Variants in PPP1R21 observed in about 807,000 individuals in gnomAD.
PPP1R21 encodes the protein KLRAQ motif containing 1.
A neutral mutation model predicts 112.8 loss-of-function variants in PPP1R21; 85 were observed. The observed-to-expected ratio is 0.75, with a 90% confidence interval of 0.63 to 0.90. The LOEUF is 0.90. Among genes scored for constraint, PPP1R21 ranks in the 40% least tolerant of loss-of-function variants. PPP1R21 has a pLI of 0.00. For synonymous variants in PPP1R21, 381 were observed against 322.3 expected, an observed-to-expected ratio of 1.18 and a Z score of -1.95; for missense variants, 1,199 against 901.5, an observed-to-expected ratio of 1.33 and a Z score of -4.23.
chr2:48,487,896 G>A (rs1171081744), intron 14 of PPP1R21, among the ~76,000 whole-genome samples: 1 of 152,016 alleles, frequency 6.6e-6, no homozygotes, highest in Non-Finnish European at 1.5e-5. Flanking sequence ...CATCCTACAT[G>A]TATAAAACCA....
At chr2:48,477,292 C>G (rs769203175) in intron 12 of PPP1R21, among the ~76,000 whole-genome samples, 5 of 151,728 alleles carry the variant, frequency 3.3e-5, no homozygotes, top group Admixed American at 6.6e-5. Context: ...CTAATTTTTG[C>G]ATTTTTTAGT....
intron 1 of PPP1R21, 62 bp downstream of exon 1, chr2:48,441,072 G>C (rs1667004712): frequency 8.1e-7 from 1 of 1,232,750 alleles, no homozygotes; most frequent in South Asian, 1.2e-5. Flanking sequence ...TGCCGTGGCA[G>C]CGACTTGTCG....
At chr2:48,446,964 T>C (rs1667275065) in intron 1 of PPP1R21, among the ~76,000 whole-genome samples, 1 of 152,114 alleles carries the variant, frequency 6.6e-6, no homozygotes, top group African/African-American at 2.4e-5. Context: ...TTGGCTAGGC[T>C]GGTTTTGAAC....
At chr2:48,481,038 G>C (rs1668986820) in intron 13 of PPP1R21, among the ~76,000 whole-genome samples, 1 of 152,152 alleles carries the variant, frequency 6.6e-6, no homozygotes, top group Non-Finnish European at 1.5e-5. Flanking sequence ...GCCCAGGCTG[G>C]AGTGCAGTGG....
rs752853126 is a variant in PPP1R21 at position 48,507,353 on chromosome 2, G to A, written c.2053G>A (p.Ala685Thr). ...IVELTSQLQL[A>T]DSKSVHFYAE... ...GGAACTTACGTCTCAGTTGCAGCTG[G>A]CTGACAGTAAGTCAGTGCATTTTTA... Residue 685 changes from alanine to threonine, a missense_variant, in exon 19 of 22, where the codon GCT becomes ACT. Ala to Thr is a moderately conservative substitution (Grantham distance 58). Coordinates refer to ENST00000294952, the MANE Select transcript of PPP1R21 (RefSeq NM_001135629.3). The A allele has an allele frequency of 3.8e-6, 6 of 1,595,622 alleles. No individual in the cohort carries two copies. In the Admixed American group the frequency reaches 9.2e-5, roughly 24 times the overall value.
chr2:48,474,597 T>C, intron 11 of PPP1R21, 86 bp from the exon 12 acceptor site: 1 of 1,199,030 alleles, frequency 8.3e-7, no homozygotes. Flanking sequence ...TCTTTGGATA[T>C]AGTTGTTTGA....
chr2:48,507,231 G>T, intron 18 of PPP1R21, 38 bp from the exon 19 acceptor site: 2 of 1,404,486 alleles, frequency 1.4e-6, no homozygotes, highest in South Asian at 1.7e-5. Flanking sequence ...TCATCTCACT[G>T]GTACTTGTTT....
chr2:48,503,812 G>A (rs1245322127), intron 17 of PPP1R21, among the ~76,000 whole-genome samples: 5 of 151,936 alleles, frequency 3.3e-5, no homozygotes, highest in African/African-American at 1.2e-4. Flanking sequence ...AATTAGCTGG[G>A]CGTGGTGGTG....
intron 14 of PPP1R21, among the ~76,000 whole-genome samples, chr2:48,489,944 C>G (rs1558495842): frequency 6.6e-6 from 1 of 152,144 alleles, no homozygotes; most frequent in Non-Finnish European, 1.5e-5. Context: ...ACTGGGACAG[C>G]TGAGCCAGGA....
chr2:48,494,364 AC>A (rs1669714183), intron 15 of PPP1R21, among the ~76,000 whole-genome samples: 2 of 151,660 alleles, frequency 1.3e-5, no homozygotes, highest in Admixed American at 1.3e-4. Flanking sequence ...CAAAACACTT[AC>A]ATTAGCCTAC....
In PPP1R21 at chr2:48,491,318, G is replaced by A. The variant is rs1036189769; in HGVS notation, c.1599+148G>A. On this transcript the variant is annotated intron_variant, in intron 15 of 21. Coordinates refer to ENST00000294952, the MANE Select transcript of PPP1R21 (RefSeq NM_001135629.3). ...TGGTGGGTGTTGGGGGAGGGCTGTG[G>A]GGAAGAGGAGGTGACAGGACCCAGA... 3.0e-5 allele frequency: 25 copies of A among 828,006 alleles called. 1 individual carries two copies. In the South Asian group the frequency reaches 4.7e-4, roughly 15 times the overall value. The allele number at this position is 828,006 out of a possible 1,614,324, so 51.3% of individuals were successfully genotyped here.
intron 1 of PPP1R21, 82 bp downstream of exon 1, chr2:48,441,092 G>T: frequency 1.0e-6 from 1 of 979,014 alleles, no homozygotes; most frequent in Non-Finnish European, 1.6e-6. Context: ...GGGACCTAGG[G>T]GTACTGCGGG....
chr2:48,490,923 C>A, intron 14 of PPP1R21, 95 bp from the exon 15 acceptor site: 1 of 1,076,866 alleles, frequency 9.3e-7, no homozygotes, highest in Non-Finnish European at 1.4e-6. Context: ...TTTCCATTCT[C>A]AACATCTTTA....
At chr2:48,456,431 G>A (rs962570992) in intron 3 of PPP1R21, among the ~76,000 whole-genome samples, 1 of 152,170 alleles carries the variant, frequency 6.6e-6, no homozygotes, top group Non-Finnish European at 1.5e-5. Flanking sequence ...ACAGGCTTCA[G>A]ATTTAAGCCC....
intron 12 of PPP1R21, among the ~76,000 whole-genome samples, chr2:48,478,770 T>C (rs1484059080): frequency 6.6e-6 from 1 of 152,246 alleles, no homozygotes; most frequent in Non-Finnish European, 1.5e-5. Context: ...CTTATATCGC[T>C]AATCTACCAA....
At chr2:48,511,199 T>C (rs1670622145) in intron 20 of PPP1R21, 141 bp from the exon 21 acceptor site, 1 of 848,940 alleles carries the variant, frequency 1.2e-6, no homozygotes, top group Admixed American at 2.5e-5. Context: ...AATTCTTCTT[T>C]TGTAGCTATT....
chr2:48,469,320 CA>C (rs1668361076), intron 9 of PPP1R21, among the ~76,000 whole-genome samples: 1 of 19,304 alleles, frequency 5.2e-5, no homozygotes, highest in African/African-American at 2.9e-4. Context: ...CACACACACA[CA>C]TATATATATA....
chr2:48,466,144 T>G (rs1016126606), intron 9 of PPP1R21, among the ~76,000 whole-genome samples: 6 of 152,020 alleles, frequency 3.9e-5, no homozygotes, highest in Admixed American at 6.6e-5. Context: ...CCATAACGTT[T>G]GGGAACTGTG....
intron 17 of PPP1R21, among the ~76,000 whole-genome samples, chr2:48,502,681 T>C (rs896006066): frequency 6.1e-4 from 87 of 143,414 alleles, no homozygotes; most frequent in Non-Finnish European, 7.5e-4. Context: ...CTTTTCTTTT[T>C]TTTTTTTTTT....
Sources: gnomAD v4.1 joint callset for allele counts (sites outside exome capture counted in the v4.1 genomes callset) on GRCh38, gnomAD v4.1.1 for gene constraint, MANE v1.5 for transcripts, NCBI Gene and HGNC (gene_info 2026-07-23, HGNC 2026-07-21) for gene names.